AGMO: variants seen among roughly 807,000 people sequenced by gnomAD.
AGMO encodes glyceryl-ether monooxygenase.
In AGMO, 75 loss-of-function variants were observed where a neutral mutation model predicts 60.2. The ratio of observed to expected loss-of-function variants is 1.25; its 90% CI spans 1.03 to 1.51. The LOEUF is 1.51. Among genes scored for constraint, AGMO ranks in the 40% most tolerant of loss-of-function variants. AGMO has a pLI of 0.00. For synonymous variants in AGMO, 261 were observed against 177.1 expected (o/e 1.47, Z -3.76); for missense variants, 763 against 525.5 (o/e 1.45, Z -4.42).
intron 4 of AGMO, among the ~76,000 whole-genome samples, chr7:15,430,137 T>C (rs1781185684): frequency 6.6e-6 from 1 of 151,990 alleles, no homozygotes; most frequent in Non-Finnish European, 1.5e-5. Context: ...AAGGAGATTT[T>C]AGAAGAGTGG....
intron 3 of AGMO, among the ~76,000 whole-genome samples, chr7:15,500,015 T>C (rs768331592): frequency 2.0e-5 from 3 of 151,072 alleles, no homozygotes; most frequent in Non-Finnish European, 4.4e-5. Context: ...TTTACACAGA[T>C]GGATAAAGAC....
chr7:15,159,156 C>T, the AGMO span, among the ~76,000 whole-genome samples: 1 of 151,898 alleles, frequency 6.6e-6, no homozygotes, highest in Admixed American at 6.6e-5. Context: ...AGTACAGGTC[C>T]CTCAACAATG....
intron 12 of AGMO, among the ~76,000 whole-genome samples, chr7:15,288,258 T>G (rs1243845349): frequency 6.6e-6 from 1 of 152,088 alleles, no homozygotes; most frequent in Non-Finnish European, 1.5e-5. Flanking sequence ...GGTCTTGATC[T>G]CCTGACCTCG....
chr7:15,171,348 G>A, the AGMO span, among the ~76,000 whole-genome samples: 2 of 152,104 alleles, frequency 1.3e-5, no homozygotes, highest in South Asian at 4.1e-4. Flanking sequence ...TCTATCAAGG[G>A]TACATATTGT....
chr7:15,248,214 ATATATATAT>A (rs1402717232), intron 12 of AGMO, among the ~76,000 whole-genome samples: 4 of 71,160 alleles, frequency 5.6e-5, no homozygotes, highest in Non-Finnish European at 8.9e-5. Context: ...ATATATATAT[ATATATATAT>A]ATCTTCATCT....
At chr7:15,200,103 G>A, downstream of AGMO, among the ~76,000 whole-genome samples, 1 of 151,876 alleles carries the variant, frequency 6.6e-6, no homozygotes. Flanking sequence ...TTTAGTACAT[G>A]TGTCTTTGAT....
At chr7:15,267,120 T>A (rs1303286683) in intron 12 of AGMO, among the ~76,000 whole-genome samples, 1 of 152,026 alleles carries the variant, frequency 6.6e-6, no homozygotes, top group African/African-American at 2.4e-5. Flanking sequence ...ATAGGTTGCT[T>A]CTCATTAAGG....
intron 12 of AGMO, among the ~76,000 whole-genome samples, chr7:15,225,804 A>T (rs1782063556): frequency 6.6e-6 from 1 of 152,010 alleles, no homozygotes; most frequent in South Asian, 2.1e-4. Flanking sequence ...CATAGTAAAC[A>T]CATTTTCTTA....
At chr7:15,396,374 T>G (rs917907805) in intron 5 of AGMO, 1 of 152,272 alleles carries the variant, frequency 6.6e-6, no homozygotes, top group Non-Finnish European at 1.5e-5. Context: ...CAGTGAGTGT[T>G]ACAGTTCGTA....
At chr7:15,261,617 T>C (rs1007999738) in intron 12 of AGMO, among the ~76,000 whole-genome samples, 7 of 151,786 alleles carry the variant, frequency 4.6e-5, no homozygotes, top group African/African-American at 1.5e-4. Context: ...ATCTAAAAGA[T>C]AAAGAAAGAG....
chr7:15,462,321 G>T lies in AGMO; in HGVS notation c.410-31213C>A, dbSNP rs759287551. Among the ~76,000 whole-genome samples, 3 of 152,118 alleles carry T rather than the reference G, an allele frequency of 2.0e-5. No individual in the cohort carries two copies. The South Asian group carries it at 6.2e-4, about 32-fold the overall frequency. ...TTCTAATTTACTTGCTGCAGAGACA[G>T]ATTCAAGCTTAGAAAAATCTAATAA... is the stretch of plus-strand genomic sequence containing the variant. On this transcript the variant is annotated intron_variant, in intron 3 of 12. Transcript: ENST00000342526.
chr7:15,345,883 ATTTTT>A (rs147407572), intron 12 of AGMO, among the ~76,000 whole-genome samples: 59 of 151,670 alleles, frequency 3.9e-4, no homozygotes, highest in African/African-American at 1.4e-3. Flanking sequence ...TTGGTACTTA[ATTTTT>A]TTTTGAGTAT....
At chr7:15,280,394 C>A (rs1583358539) in intron 12 of AGMO, among the ~76,000 whole-genome samples, 1 of 152,130 alleles carries the variant, frequency 6.6e-6, no homozygotes, top group East Asian at 1.9e-4. Flanking sequence ...GGAACATGAC[C>A]CCAGTGTCCA....
chr7:15,326,487 G>A (rs995503563), intron 12 of AGMO, among the ~76,000 whole-genome samples: 2 of 152,014 alleles, frequency 1.3e-5, no homozygotes, highest in Non-Finnish European at 2.9e-5. Flanking sequence ...CTGCCTCTTC[G>A]CATTCTACCT....
rs1416410552 is a variant in AGMO at position 15,322,591 on chromosome 7, TAA to T, written c.1263+42921_1263+42922del. 2.4e-3 allele frequency among the ~76,000 whole-genome samples: 83 copies of T among 35,046 alleles called. 11 individuals are homozygous for T. Among genetic ancestry groups the T allele is most frequent in the African/African-American group, 0.011 (79 of 6,942 alleles). 23.0% of individuals were successfully genotyped at this position (35,046 alleles called of 152,430 possible). ...ATATATATAAATATATATAAATATA[TAA>T]ATATATATAAATATATATAAATATA... On this transcript the variant is annotated intron_variant, in intron 12 of 12. Transcript: ENST00000342526.
chr7:15,543,603 G>A (rs1197185871), intron 3 of AGMO, among the ~76,000 whole-genome samples: 3 of 151,856 alleles, frequency 2.0e-5, no homozygotes, highest in African/African-American at 7.3e-5. Context: ...ACTGTTGCAG[G>A]GTCCTTCTGA....
intron 12 of AGMO, among the ~76,000 whole-genome samples, chr7:15,340,633 C>T (rs1259998400): frequency 1.3e-5 from 2 of 152,128 alleles, no homozygotes; most frequent in East Asian, 1.9e-4. Flanking sequence ...CAGCCCCAAG[C>T]CTTGGCAGCT....
At chr7:15,372,364 A>C (rs1305305469) in intron 10 of AGMO, among the ~76,000 whole-genome samples, 1 of 152,088 alleles carries the variant, frequency 6.6e-6, no homozygotes, top group Admixed American at 6.6e-5. Flanking sequence ...GGCAGGAGTA[A>C]ACTACTGTTT....
chr7:15,502,316 C>T (rs1456664326), intron 3 of AGMO, among the ~76,000 whole-genome samples: 1 of 151,936 alleles, frequency 6.6e-6, no homozygotes, highest in African/African-American at 2.4e-5. Context: ...CCAAGTCCCC[C>T]ACCCCTAAAT....
Sources: allele counts gnomAD v4.1 joint callset (sites outside exome capture counted in the v4.1 genomes callset), GRCh38; gene constraint gnomAD v4.1.1; transcripts MANE v1.5; gene names NCBI Gene and HGNC (gene_info 2026-07-23, HGNC 2026-07-21).